Variants in CAMTA1 observed in about 807,000 individuals in gnomAD.
CAMTA1 encodes calmodulin-binding transcription activator 1.
CAMTA1 carries 27 observed loss-of-function variants against 170.9 expected under a neutral mutation model. The observed-to-expected ratio is 0.16, with a 90% confidence interval of 0.12 to 0.22. The LOEUF is 0.22. Among genes scored for constraint, CAMTA1 ranks in the 10% least tolerant of loss-of-function variants. The pLI is 1.00. For synonymous variants in CAMTA1, 833 were observed against 891.5 expected (o/e 0.93, Z 1.17); for missense variants, 1,619 against 2,217.2 (o/e 0.73, Z 5.42).
intron 6 of CAMTA1, among the ~76,000 whole-genome samples, chr1:7,474,776 T>C (rs2093392983): frequency 1.3e-5 from 2 of 152,200 alleles, no homozygotes; most frequent in African/African-American, 4.8e-5. Flanking sequence ...GCAATAAATG[T>C]CCCTTAGCCA....
At chr1:7,661,928 C>G in intron 8 of CAMTA1, 62 bp downstream of exon 8, 1 of 1,533,188 alleles carries the variant, frequency 6.5e-7, no homozygotes, top group Non-Finnish European at 8.8e-7. Context: ...ACCAGGCAGC[C>G]GTCATGGCTG....
At chr1:6,978,945 G>T (rs530335659) in intron 3 of CAMTA1, among the ~76,000 whole-genome samples, 17 of 152,300 alleles carry the variant, frequency 1.1e-4, no homozygotes, top group Admixed American at 1.0e-3. Context: ...GTAAATGCTT[G>T]TGTGGTGGAT....
chr1:7,609,010 C>T lies in CAMTA1; in HGVS notation c.511-31390C>T, dbSNP rs1297632361. Among the ~76,000 whole-genome samples, 3 of 152,070 alleles carry T rather than the reference C, an allele frequency of 2.0e-5. No individual in the cohort carries two copies. Among genetic ancestry groups the T allele is most frequent in the Non-Finnish European group, 4.4e-5 (3 of 68,022 alleles). ...AGGAGCTGTCTGGCTAGGAGGCCTGCGTTGTGGATTGGAAAGGAGTCTCCT... is the reference window on the plus strand; with the variant it reads ...AGGAGCTGTCTGGCTAGGAGGCCTGTGTTGTGGATTGGAAAGGAGTCTCCT... On this transcript the variant is annotated intron_variant, in intron 6 of 22. Transcript: ENST00000303635. This position sits in a 1 kb window ranked among gnomAD's most constrained non-coding sequence, Gnocchi z 4.4.
intron 6 of CAMTA1, among the ~76,000 whole-genome samples, chr1:7,524,222 A>C (rs1575792074): frequency 6.6e-6 from 1 of 152,316 alleles, no homozygotes; most frequent in Non-Finnish European, 1.5e-5. Context: ...CACACAAAAA[A>C]GAATTTCATT....
In CAMTA1 at chr1:7,663,701, CGGT is replaced by C; in HGVS notation, c.1157_1159del (p.Val386del). 1 of 1,614,094 alleles carries C rather than the reference CGGT, an allele frequency of 6.2e-7. No homozygotes were observed. Among genetic ancestry groups the C allele is most frequent in the South Asian group, 1.1e-5 (1 of 91,072 alleles). ...GTGGTCACAGGTGTGTCCGGTATGG[CGGT>C]GGCCTCTGTGATGGGGAGCTTGTCC... On this transcript the variant is annotated inframe_deletion, in exon 9 of 23. Transcript: ENST00000303635.
chr1:7,254,810 T>C (rs1178594846), intron 5 of CAMTA1, among the ~76,000 whole-genome samples: 1 of 152,252 alleles, frequency 6.6e-6, no homozygotes, highest in Non-Finnish European at 1.5e-5. Flanking sequence ...AATTGGTATC[T>C]TGCTTGCAGC....
chr1:7,534,279 G>A lies in CAMTA1; in HGVS notation c.510+66378G>A, dbSNP rs767613186. 3.9e-5 allele frequency among the ~76,000 whole-genome samples: 6 copies of A among 152,218 alleles called. No individual in the cohort carries two copies. Among genetic ancestry groups the A allele is most frequent in the East Asian group, 1.9e-4 (1 of 5,192 alleles). ...GCAGAGCCCAGGCTGGCTGGAGGCC[G>A]AGGCTGGGGGCCGCGGGGCTATTTT... On this transcript the variant is annotated intron_variant, in intron 6 of 22. Transcript: ENST00000303635. This position sits in a 1 kb window ranked among gnomAD's most constrained non-coding sequence, Gnocchi z 5.6.
chr1:7,353,410 C>CT (rs60524573), intron 5 of CAMTA1, among the ~76,000 whole-genome samples: 21,481 of 134,666 alleles, frequency 0.16, 2,185 homozygotes, highest in East Asian at 0.52. Flanking sequence ...AATCTGAACT[C>CT]TTTTTTTTTT....
At chr1:6,903,481 GTCA>G (rs1040519063) in intron 3 of CAMTA1, among the ~76,000 whole-genome samples, 29 of 152,142 alleles carry the variant, frequency 1.9e-4, no homozygotes, top group African/African-American at 7.0e-4. Context: ...ATTCTGTTGG[GTCA>G]TCATTATGTG....
At chr1:7,518,886 G>A (rs1344471512) in intron 6 of CAMTA1, among the ~76,000 whole-genome samples, 2 of 151,932 alleles carry the variant, frequency 1.3e-5, no homozygotes, top group Non-Finnish European at 2.9e-5. Context: ...CGAAAAAATG[G>A]CCTGTGATGG....
chr1:7,236,487 G>A (rs143375537), intron 4 of CAMTA1, among the ~76,000 whole-genome samples: 270 of 152,304 alleles, frequency 1.8e-3, no homozygotes, highest in African/African-American at 3.4e-3. Context: ...TAGCTGGGGC[G>A]TGCCAGGGAT....
chr1:7,506,600 CAA>C (rs1486684539), intron 6 of CAMTA1, among the ~76,000 whole-genome samples: 2 of 152,004 alleles, frequency 1.3e-5, no homozygotes, highest in East Asian at 1.9e-4. Flanking sequence ...CGCTCACACT[CAA>C]AAGTCACACT....
intron 9 of CAMTA1, among the ~76,000 whole-genome samples, chr1:7,666,386 A>C (rs1576699775): frequency 6.6e-6 from 1 of 152,076 alleles, no homozygotes; most frequent in African/African-American, 2.4e-5. Context: ...TCCAACGTGC[A>C]CCCTCCCCCA....
intron 3 of CAMTA1, among the ~76,000 whole-genome samples, chr1:6,931,595 C>T (rs533614742): frequency 4.6e-5 from 7 of 152,282 alleles, no homozygotes; most frequent in South Asian, 2.1e-4. Context: ...AACGAACTAA[C>T]GACCCTGTGA....
chr1:7,737,217 CTGAT>C, intron 14 of CAMTA1, 34 bp from the exon 15 acceptor site: 1 of 1,592,548 alleles, frequency 6.3e-7, no homozygotes, highest in Non-Finnish European at 8.6e-7. Flanking sequence ...GTCTTGACCT[CTGAT>C]TGAGAACGCT....
chr1:6,926,330 C>T (rs963159180), intron 3 of CAMTA1, among the ~76,000 whole-genome samples: 2 of 143,452 alleles, frequency 1.4e-5, no homozygotes, highest in Non-Finnish European at 3.1e-5. Flanking sequence ...CCCCTCCCCT[C>T]TCCTCTCCTT....
rs2094218678 is a variant in CAMTA1, at chr1:7,512,707, CAT to C, written c.510+44808_510+44809del. On this transcript the variant is annotated intron_variant, in intron 6 of 22. Coordinates refer to ENST00000303635, the MANE Select transcript of CAMTA1 (RefSeq NM_015215.4). ...ACATAGCAAAACCCAGCATCCGTAA[CAT>C]AGAGAGTGGGGAAGGAAGCAATACT... Among the ~76,000 whole-genome samples the C allele has an allele frequency of 2.0e-5, 3 of 152,300 alleles. No homozygotes were observed. In the South Asian group the frequency reaches 6.2e-4, roughly 32 times the overall value.
rs1428846398 is a variant in CAMTA1 at position 6,832,452 on chromosome 1, AT to A, written c.234+7250del. ...ATCTTGAGTGTTTCTTGTGTTTTTAATTTTTTTTCCTTTGTGTAACTTTGTG... is the reference window on the plus strand; with the variant it reads ...ATCTTGAGTGTTTCTTGTGTTTTTAATTTTTTTCCTTTGTGTAACTTTGTG... On this transcript the variant is annotated intron_variant, in intron 3 of 22. Coordinates refer to ENST00000303635, the MANE Select transcript of CAMTA1 (RefSeq NM_015215.4). Among the ~76,000 whole-genome samples the A allele has an allele frequency of 2.0e-5, 3 of 151,278 alleles. No homozygotes were observed. In the East Asian group the frequency reaches 5.8e-4, roughly 29 times the overall value.
chr1:7,032,777 A>G (rs1702983844), intron 3 of CAMTA1, among the ~76,000 whole-genome samples: 1 of 152,138 alleles, frequency 6.6e-6, no homozygotes, highest in South Asian at 2.1e-4. Context: ...TATCTATAAA[A>G]AAGTATTTCA....
Sources: gnomAD v4.1 joint callset for allele counts (sites outside exome capture counted in the v4.1 genomes callset) on GRCh38, gnomAD v4.1.1 for gene constraint, Gnocchi (gnomAD v3.1) non-coding constraint, MANE v1.5 for transcripts, NCBI Gene and HGNC (gene_info 2026-07-23, HGNC 2026-07-21) for gene names.